Variants in RBFOX1 observed in about 807,000 individuals in gnomAD.
RBFOX1 encodes the protein RNA binding fox-1 homolog 1.
RBFOX1 carries 8 observed loss-of-function variants against 57.7 expected under a neutral mutation model. The ratio of observed to expected loss-of-function variants is 0.14; its 90% CI spans 0.08 to 0.25. The LOEUF is 0.25. Among genes scored for constraint, RBFOX1 ranks in the 10% least tolerant of loss-of-function variants. The pLI, the probability that RBFOX1 is intolerant of heterozygous loss-of-function variation, is 1.00. For missense variants in RBFOX1, 611 were observed against 548.5 expected, an observed-to-expected ratio of 1.11 and a Z score of -1.14; for synonymous variants, 326 against 222.4, an observed-to-expected ratio of 1.47 and a Z score of -4.15.
intron 3 of RBFOX1, among the ~76,000 whole-genome samples, chr16:5,806,392 T>A (rs943730291): frequency 5.9e-5 from 9 of 152,184 alleles, no homozygotes; most frequent in Non-Finnish European, 1.0e-4. Flanking sequence ...ACAAATGCTA[T>A]GTACTCACAT....
At chr16:6,694,857 G>A (rs28676280) in intron 3 of RBFOX1, among the ~76,000 whole-genome samples, 5,640 of 152,018 alleles carry the variant, frequency 0.037, 347 homozygotes, top group African/African-American at 0.13. Context: ...GTCCAGCCCC[G>A]GAGCCCTGGG....
chr16:7,034,757 G>C (rs961883613), intron 3 of RBFOX1, among the ~76,000 whole-genome samples: 1 of 150,194 alleles, frequency 6.7e-6, no homozygotes, highest in Admixed American at 6.6e-5. Context: ...CCTGGGGTTT[G>C]GGGGAGGGGT....
chr16:6,381,163 C>A (rs371124751), intron 2 of RBFOX1, among the ~76,000 whole-genome samples: 6 of 152,124 alleles, frequency 3.9e-5, no homozygotes, highest in Non-Finnish European at 7.3e-5. Context: ...ATCCTAGAGA[C>A]ATTTTCATTT....
chr16:7,007,838 C>T (rs185746718), intron 3 of RBFOX1, among the ~76,000 whole-genome samples: 6 of 152,298 alleles, frequency 3.9e-5, no homozygotes, highest in Non-Finnish European at 8.8e-5. Context: ...CTGTAGCCCA[C>T]CTAGTGGACA....
At position 7,052,057 on chromosome 16, in the gene RBFOX1, G is replaced by A. The variant is rs1382038033; in HGVS notation, c.-15G>A. The stretch of plus-strand genomic sequence containing the variant: ...CCCCTTCATTTTCTTTTCTTTCTAG[G>A]TTTCAAGACAACAGATGAATTGTGA... On this transcript the variant is annotated splice_region_variant and 5_prime_UTR_variant, in exon 4 of 16. Transcript: ENST00000550418. 1.9e-6 allele frequency: 3 copies of A among 1,612,164 alleles called. No individual in the cohort carries two copies. Among genetic ancestry groups the A allele is most frequent in the Admixed American group, 1.7e-5 (1 of 59,792 alleles).
chr16:7,304,090 G>T (rs2096107107), intron 4 of RBFOX1: 1 of 548,880 alleles, frequency 1.8e-6, no homozygotes. Flanking sequence ...AAGTGTTTTA[G>T]TTGGAGGCAG....
intron 4 of RBFOX1, among the ~76,000 whole-genome samples, chr16:7,376,828 A>G (rs1172557720): frequency 1.3e-5 from 2 of 152,150 alleles, no homozygotes; most frequent in Non-Finnish European, 2.9e-5. Context: ...GAGAATTCAG[A>G]GCTGTTAAAA....
intron 4 of RBFOX1, among the ~76,000 whole-genome samples, chr16:7,483,396 C>T (rs1022127400): frequency 6.6e-6 from 1 of 152,268 alleles, no homozygotes. Context: ...GATTCATTTC[C>T]CTTACTTGTG....
intron 4 of RBFOX1, among the ~76,000 whole-genome samples, chr16:7,315,867 C>T (rs1231586670): frequency 6.6e-6 from 1 of 152,102 alleles, no homozygotes; most frequent in Non-Finnish European, 1.5e-5. Flanking sequence ...AACATCTGCT[C>T]TATTGTTTAC....
In RBFOX1 at chr16:7,124,666, A is replaced by T. The variant is rs114289052; in HGVS notation, c.27+72568A>T. On this transcript the variant is annotated intron_variant, in intron 4 of 15. Transcript: ENST00000550418. ...CCCTCATTTCACATTCTACCTAAAA[A>T]CGTGAACCTCACAATACTCGAAAAT... is the stretch of plus-strand genomic sequence containing the variant. Among the ~76,000 whole-genome samples, 1,156 of 151,038 alleles carry T rather than the reference A, an allele frequency of 7.7e-3. 15 individuals are homozygous for T. The highest frequency in any genetic ancestry group is 0.027 in the African/African-American group (1,098 of 41,100).
rs116443015 is a variant in RBFOX1 at position 7,497,595 on chromosome 16, G to A, written c.28-20552G>A. On this transcript the variant is annotated intron_variant, in intron 4 of 15. Transcript: ENST00000550418. ...ATTTTATATTAATGCAAAAACAAAT[G>A]CTTATTGTGAACCTACTGGGGACCA... is the stretch of plus-strand genomic sequence containing the variant. 7.8e-3 allele frequency among the ~76,000 whole-genome samples: 1,192 copies of A among 152,272 alleles called. 24 individuals are homozygous for A. The highest frequency in any genetic ancestry group is 0.028 in the African/African-American group (1,150 of 41,554).
intron 3 of RBFOX1, among the ~76,000 whole-genome samples, chr16:6,819,723 AAAAAAAAATAAC>A (rs1603628677): frequency 6.9e-6 from 1 of 144,526 alleles, no homozygotes; most frequent in Non-Finnish European, 1.5e-5. Context: ...AAAAAAAAAA[AAAAAAAAATAAC>A]AACACCAAAA....
At chr16:6,636,643 A>T in intron 2 of RBFOX1, among the ~76,000 whole-genome samples, 1 of 150,976 alleles carries the variant, frequency 6.6e-6, no homozygotes, top group East Asian at 1.9e-4. Flanking sequence ...AAATGTGTAA[A>T]CATTGCGAAA....
At chr16:7,071,846 T>C (rs562261987) in intron 4 of RBFOX1, among the ~76,000 whole-genome samples, 1 of 152,192 alleles carries the variant, frequency 6.6e-6, no homozygotes, top group South Asian at 2.1e-4. Context: ...CTGCTCTTCC[T>C]CCCTTATCAT....
rs536164755 is a variant in RBFOX1, at chr16:6,375,445, C to A, written c.-64+58388C>A. ...TTTTTTTAACCCTCCTAGGATGAAG[C>A]CAAAAGAAGAAAACTGGTTGTATTT... On this transcript the variant is annotated intron_variant, in intron 2 of 15. Transcript: ENST00000550418. Among the ~76,000 whole-genome samples the A allele has an allele frequency of 7.3e-5, 11 of 151,458 alleles. No homozygotes were observed. The South Asian group carries it at 2.3e-3, about 32-fold the overall frequency.
chr16:7,408,323 A>G (rs534042300), intron 4 of RBFOX1, among the ~76,000 whole-genome samples: 1 of 152,210 alleles, frequency 6.6e-6, no homozygotes, highest in Non-Finnish European at 1.5e-5. Context: ...ACAGCAGAAG[A>G]ACTTTTAATA....
chr16:7,575,694 C>T (rs1335451450), intron 5 of RBFOX1, among the ~76,000 whole-genome samples: 3 of 152,126 alleles, frequency 2.0e-5, no homozygotes, highest in Non-Finnish European at 4.4e-5. Flanking sequence ...GGCTTTAAGC[C>T]GCCAGCTTTA....
In RBFOX1 at chr16:6,638,332, A is replaced by C. The variant is rs149306650; in HGVS notation, c.-63-16271A>C. On this transcript the variant is annotated intron_variant, in intron 2 of 15. Coordinates refer to ENST00000550418, the MANE Select transcript of RBFOX1 (RefSeq NM_018723.4). ...GTGTTTTAAAGAATAAGTTACTGGT[A>C]AATCGCATGGCAAAAGAACATACAT... 5.8e-3 allele frequency among the ~76,000 whole-genome samples: 885 copies of C among 152,276 alleles called. 13 individuals are homozygous for C. Among genetic ancestry groups the C allele is most frequent in the African/African-American group, 0.02 (819 of 41,562 alleles).
At chr16:6,970,698 A>G (rs1157066632) in intron 3 of RBFOX1, among the ~76,000 whole-genome samples, 2 of 152,216 alleles carry the variant, frequency 1.3e-5, no homozygotes, top group African/African-American at 4.8e-5. Context: ...CTAGCTCTTA[A>G]TACTATCATG....
Sources: allele counts gnomAD v4.1 joint callset (sites outside exome capture counted in the v4.1 genomes callset), GRCh38; gene constraint gnomAD v4.1.1; transcripts MANE v1.5; gene names NCBI Gene and HGNC (gene_info 2026-07-23, HGNC 2026-07-21).